Variants in TMEM116 observed in about 807,000 individuals in gnomAD.
The protein encoded by TMEM116 is transmembrane protein 116.
Under a neutral mutation model 44.3 loss-of-function variants are expected in TMEM116, and 38 were observed. That is an observed-to-expected ratio of 0.86 (90% confidence interval 0.66 to 1.12). TMEM116 has a LOEUF of 1.12. Ranked by LOEUF, TMEM116 falls within the 50% of genes most tolerant of loss-of-function variation. TMEM116 has a pLI of 0.00. For missense variants in TMEM116, 354 were observed against 401.7 expected, an observed-to-expected ratio of 0.88 and a Z score of 1.01; for synonymous variants, 132 against 144.8, an observed-to-expected ratio of 0.91 and a Z score of 0.64.
At chr12:111,998,712 T>C (rs565884241) in intron 3 of TMEM116, among the ~76,000 whole-genome samples, 4 of 152,000 alleles carry the variant, frequency 2.6e-5, no homozygotes, top group Non-Finnish European at 5.9e-5. Context: ...TCCCAGCTAC[T>C]TGGGAGGCTG....
intron 9 of TMEM116, chr12:111,932,878 G>T (rs774923862): frequency 5.1e-5 from 28 of 550,180 alleles, no homozygotes; most frequent in Non-Finnish European, 8.0e-5. Context: ...ATGGTAGCAG[G>T]ATATACTACA....
At chr12:112,005,396 T>G (rs935089679) in intron 1 of TMEM116, 93 bp from the exon 2 acceptor site, 38 of 935,986 alleles carry the variant, frequency 4.1e-5, no homozygotes, top group Non-Finnish European at 5.0e-5. Context: ...AGCATGAATT[T>G]TTCTTCAAAG....
intron 4 of TMEM116, chr12:111,978,679 C>A: frequency 2.8e-6 from 1 of 351,818 alleles, no homozygotes; most frequent in South Asian, 2.2e-5. Context: ...CTTGTCTCCA[C>A]TATGTTTGGA....
intron 4 of TMEM116, among the ~76,000 whole-genome samples, chr12:111,957,336 G>A (rs1452806042): frequency 6.6e-6 from 1 of 152,084 alleles, no homozygotes; most frequent in Non-Finnish European, 1.5e-5. Flanking sequence ...TCTGGGAGGT[G>A]AGGAGCATCT....
intron 4 of TMEM116, among the ~76,000 whole-genome samples, chr12:111,969,853 T>A (rs571278517): frequency 1.9e-4 from 29 of 152,278 alleles, no homozygotes; most frequent in Admixed American, 6.5e-5. Context: ...GTGCGGGGAT[T>A]ACAGGTGTGA....
At chr12:112,009,236 C>T (rs182206253) in intron 1 of TMEM116, among the ~76,000 whole-genome samples, 2 of 152,252 alleles carry the variant, frequency 1.3e-5, no homozygotes, top group African/African-American at 2.4e-5. Context: ...CACCTGACTA[C>T]TCTAAATAAA....
chr12:111,997,619 A>C (rs966481832), intron 3 of TMEM116, among the ~76,000 whole-genome samples: 3 of 152,132 alleles, frequency 2.0e-5, no homozygotes, highest in Admixed American at 6.6e-5. Context: ...TAATATGAGA[A>C]CTAATCTCCC....
chr12:111,960,207 C>A (rs182809468), intron 4 of TMEM116, among the ~76,000 whole-genome samples: 1 of 151,894 alleles, frequency 6.6e-6, no homozygotes, highest in Non-Finnish European at 1.5e-5. Flanking sequence ...CACTCAGAAT[C>A]GGCCGGGCAC....
At chr12:111,987,244 C>T (rs944893437) in intron 4 of TMEM116, among the ~76,000 whole-genome samples, 7 of 152,128 alleles carry the variant, frequency 4.6e-5, no homozygotes, top group Non-Finnish European at 8.8e-5. Flanking sequence ...GCGGCTCACA[C>T]CTGTAATCCC....
chr12:111,939,493 T>C (rs1382214891), intron 5 of TMEM116, among the ~76,000 whole-genome samples: 1 of 146,538 alleles, frequency 6.8e-6, no homozygotes, highest in Non-Finnish European at 1.5e-5. Flanking sequence ...GAAGTCTTGC[T>C]AGAGTATTTC....
intron 4 of TMEM116, among the ~76,000 whole-genome samples, chr12:111,947,158 CTTGCTTTTAAAGACTTTTTTTTTTTTTT>C (rs1221753440): frequency 1.4e-5 from 2 of 146,316 alleles, no homozygotes; most frequent in Non-Finnish European, 3.0e-5. Flanking sequence ...AATTTCTGTA[CTTGCTTTTAAAGACTTTTTTTTTTTTTT>C]TTGCTTTTAA....
intron 5 of TMEM116, among the ~76,000 whole-genome samples, chr12:111,940,400 T>G (rs2072628800): frequency 6.7e-6 from 1 of 148,542 alleles, no homozygotes; most frequent in African/African-American, 2.5e-5. Context: ...TTTCACTCTG[T>G]TACTCAGGCT....
rs962906243 is a variant in TMEM116, at chr12:111,968,875, C to T, written c.210+22883G>A. 3.3e-5 allele frequency among the ~76,000 whole-genome samples: 5 copies of T among 151,010 alleles called. No individual in the cohort carries two copies. In the South Asian group the frequency reaches 8.4e-4, roughly 25 times the overall value. On this transcript the variant is annotated intron_variant, in intron 4 of 10. Coordinates refer to ENST00000552374, the MANE Select transcript of TMEM116 (RefSeq NM_001193531.2). Reference sequence around the variant, plus strand: ...GGGGGTGGTGGCGGGCACCTGTAATCGCAGCTACTCAGGAGACTGAGACAG... The same window carrying T: ...GGGGGTGGTGGCGGGCACCTGTAATTGCAGCTACTCAGGAGACTGAGACAG...
rs61322648 is a variant in TMEM116, at chr12:111,939,880, CTGTGTGTGTGTGTGTGTGTGTGTG to C, written c.316-1694_316-1671del. The stretch of plus-strand genomic sequence containing the variant: ...AAGAAGAAAAAGTATCTTCAAAGCT[CTGTGTGTGTGTGTGTGTGTGTGTG>C]TGTGTGTGTGTGTGTGTGTGTGTGT... On this transcript the variant is annotated intron_variant, in intron 5 of 10. Transcript: ENST00000552374. 1.3e-3 allele frequency among the ~76,000 whole-genome samples: 170 copies of C among 130,462 alleles called. 1 individual carries two copies. The highest frequency in any genetic ancestry group is 3.8e-3 in the African/African-American group (132 of 35,048). The allele number at this position is 130,462 out of a possible 152,430, so 85.6% of individuals were successfully genotyped here. A position where few individuals can be genotyped will look rare whatever the true frequency, so the allele number is the denominator to read the frequency against.
intron 4 of TMEM116, among the ~76,000 whole-genome samples, chr12:111,962,905 C>T (rs1461012758): frequency 6.6e-6 from 1 of 151,910 alleles, no homozygotes; most frequent in African/African-American, 2.4e-5. Flanking sequence ...AAAATTTTTG[C>T]AATCTATCCA....
chr12:111,989,805 T>A (rs916876875), intron 4 of TMEM116, among the ~76,000 whole-genome samples: 1 of 152,232 alleles, frequency 6.6e-6, no homozygotes, highest in Non-Finnish European at 1.5e-5. Flanking sequence ...AAGGAAAACG[T>A]ATCTGAAATG....
At chr12:112,002,374 C>A (rs980824419) in intron 3 of TMEM116, among the ~76,000 whole-genome samples, 3 of 119,052 alleles carry the variant, frequency 2.5e-5, no homozygotes, top group African/African-American at 9.7e-5. Flanking sequence ...GCCTGGGCAA[C>A]AAGAGCGAAA....
intron 4 of TMEM116, among the ~76,000 whole-genome samples, chr12:111,956,464 A>G (rs955600437): frequency 2.0e-5 from 3 of 152,208 alleles, no homozygotes; most frequent in African/African-American, 7.2e-5. Context: ...ACCAACAAAC[A>G]GAAGAATAGC....
At chr12:111,936,554 AAGATCTCCT>A (rs1565866226) in intron 8 of TMEM116, 129 bp downstream of exon 8, 2 of 866,656 alleles carry the variant, frequency 2.3e-6, no homozygotes, top group African/African-American at 3.4e-5. Flanking sequence ...TTATATTGTC[AAGATCTCCT>A]AGCTACTTTC....
Sources: gnomAD v4.1 joint callset for allele counts (sites outside exome capture counted in the v4.1 genomes callset) on GRCh38, gnomAD v4.1.1 for gene constraint, MANE v1.5 for transcripts, NCBI Gene and HGNC (gene_info 2026-07-23, HGNC 2026-07-21) for gene names.